Variants in MICU3 observed in about 807,000 individuals in gnomAD.
The protein encoded by MICU3 is calcium uptake protein 3, mitochondrial.
A neutral mutation model predicts 66.5 loss-of-function variants in MICU3; 62 were observed. The observed-to-expected ratio is 0.93, with a 90% CI of 0.76 to 1.15. The LOEUF (loss-of-function observed/expected upper bound fraction) is 1.15. Ranked by LOEUF, MICU3 falls within the 50% of genes most tolerant of loss-of-function variation. MICU3 has a pLI of 0.00. For missense variants in MICU3, 779 were observed against 664.4 expected, an observed-to-expected ratio of 1.17 and a Z score of -1.90; for synonymous variants, 308 against 240.7, an observed-to-expected ratio of 1.28 and a Z score of -2.59.
rs559806571 is a variant in MICU3 at position 17,029,051 on chromosome 8, A to C, written c.381+1391A>C. 2.8e-4 allele frequency among the ~76,000 whole-genome samples: 42 copies of C among 152,360 alleles called. No homozygotes were observed. The South Asian group carries it at 4.1e-3, about 15-fold the overall frequency. ...CTTGCTACTTGTGTCATTATGGAGA[A>C]ATTACTTGACCTGTCAATGCCTGTT... is the stretch of plus-strand genomic sequence containing the variant. On this transcript the variant is annotated intron_variant, in intron 1 of 14. Coordinates refer to ENST00000318063, the MANE Select transcript of MICU3 (RefSeq NM_181723.3).
Position 17,045,149 on chromosome 8 carries a change from G to C in MICU3, c.381+17489G>C, listed in dbSNP as rs557072907. Among the ~76,000 whole-genome samples the C allele has an allele frequency of 3.9e-5, 6 of 152,136 alleles. No individual in the cohort carries two copies. In the South Asian group the frequency reaches 1.2e-3, roughly 32 times the overall value. ...GAGAAAGAGGCTTTTAAACGAAAAT[G>C]CTCAAAAATAAATTATGGAATACTT... On this transcript the variant is annotated intron_variant, in intron 1 of 14. Transcript: ENST00000318063.
intron 10 of MICU3, 74 bp from the exon 11 acceptor site, chr8:17,105,339 T>G: frequency 6.2e-6 from 5 of 805,976 alleles, no homozygotes; most frequent in South Asian, 1.7e-5. Context: ...TCTAGGACAG[T>G]GAGTATTTGC....
At chr8:17,037,362 C>T (rs560497226) in intron 1 of MICU3, among the ~76,000 whole-genome samples, 3 of 152,322 alleles carry the variant, frequency 2.0e-5, no homozygotes, top group African/African-American at 7.2e-5. Context: ...TGAAGACTGC[C>T]AGCACGCTGT....
the MICU3 span, among the ~76,000 whole-genome samples, chr8:17,136,300 T>C: frequency 3.9e-5 from 6 of 152,214 alleles, no homozygotes; most frequent in Middle Eastern, 3.4e-3. Flanking sequence ...ACAGCAACAA[T>C]AAAAAAGTTA....
intron 1 of MICU3, among the ~76,000 whole-genome samples, chr8:17,037,208 C>G (rs1585171130): frequency 6.6e-6 from 1 of 152,348 alleles, no homozygotes; most frequent in East Asian, 1.9e-4. Flanking sequence ...CCCTCCATAC[C>G]TCCCTGCAAG....
At chr8:17,125,806 G>C (rs1292001876), downstream of MICU3, among the ~76,000 whole-genome samples, 1 of 152,028 alleles carries the variant, frequency 6.6e-6, no homozygotes, top group African/African-American at 2.4e-5. Context: ...GCTGAGGCGG[G>C]TGGATCACGA....
At chr8:17,124,731 C>G (rs1465960396), downstream of MICU3, among the ~76,000 whole-genome samples, 1 of 151,832 alleles carries the variant, frequency 6.6e-6, no homozygotes, top group Non-Finnish European at 1.5e-5. Flanking sequence ...TTGTACCCTC[C>G]TACTTTGGTA....
intron 1 of MICU3, among the ~76,000 whole-genome samples, chr8:17,058,964 C>T (rs1408842383): frequency 6.6e-6 from 1 of 152,146 alleles, no homozygotes; most frequent in Non-Finnish European, 1.5e-5. Flanking sequence ...TGTCCTAAAA[C>T]AGTTTTAGTT....
intron 1 of MICU3, among the ~76,000 whole-genome samples, chr8:17,030,058 CTT>C (rs1811746788): frequency 6.6e-6 from 1 of 152,094 alleles, no homozygotes; most frequent in Non-Finnish European, 1.5e-5. Context: ...CAAAGAGCGA[CTT>C]TGTGTTCTCT....
intron 3 of MICU3, among the ~76,000 whole-genome samples, chr8:17,072,618 A>G (rs1006914193): frequency 4.6e-5 from 7 of 152,084 alleles, no homozygotes; most frequent in Non-Finnish European, 1.0e-4. Flanking sequence ...GAAGAGGGTA[A>G]GTGTCTTGCA....
chr8:17,065,292 T>C (rs1426820263), intron 2 of MICU3, among the ~76,000 whole-genome samples: 1 of 152,174 alleles, frequency 6.6e-6, no homozygotes, highest in Non-Finnish European at 1.5e-5. Flanking sequence ...CTCAATAATT[T>C]GACAAATTGG....
chr8:17,095,112 A>G (rs1349871058), intron 8 of MICU3, among the ~76,000 whole-genome samples: 1 of 151,874 alleles, frequency 6.6e-6, no homozygotes, highest in Admixed American at 6.6e-5. Flanking sequence ...CTAGCTTCAT[A>G]TTTTTCAAAG....
In MICU3 at chr8:17,048,281, T is replaced by G. The variant is rs533577668; in HGVS notation, c.382-15803T>G. Among the ~76,000 whole-genome samples the G allele has an allele frequency of 5.3e-5, 8 of 152,316 alleles. No individual in the cohort carries two copies. The South Asian group carries it at 1.7e-3, about 32-fold the overall frequency. On this transcript the variant is annotated intron_variant, in intron 1 of 14. Coordinates refer to ENST00000318063, the MANE Select transcript of MICU3 (RefSeq NM_181723.3). ...GTACATAGCCCTCACAAGGACTACA[T>G]ATCCTAAATGTGTAGATCTACAAAT...
At chr8:17,071,039 T>G (rs758583107) in intron 3 of MICU3, among the ~76,000 whole-genome samples, 8 of 152,086 alleles carry the variant, frequency 5.3e-5, no homozygotes, top group Non-Finnish European at 1.2e-4. Flanking sequence ...AACTTAGGAA[T>G]TGTTTATTTT....
At chr8:17,034,507 G>A (rs911542858) in intron 1 of MICU3, among the ~76,000 whole-genome samples, 2 of 152,222 alleles carry the variant, frequency 1.3e-5, no homozygotes, top group African/African-American at 2.4e-5. Context: ...TGGGCAAAGT[G>A]AATTGAAAAC....
rs1325168926 is a variant in MICU3 at position 17,105,454 on chromosome 8, T to A, written c.1127T>A (p.Phe376Tyr). 3.2e-6 allele frequency: 5 copies of A among 1,571,850 alleles called. No homozygotes were observed. The highest frequency in any genetic ancestry group is 1.7e-4 in the Middle Eastern group (1 of 5,966). ...CAAACAGAAGTTCTAGAAATAGAATTCCTTTCCTACTCAAATGGAATGAAT... is the reference window on the plus strand; with the variant it reads ...CAAACAGAAGTTCTAGAAATAGAATACCTTTCCTACTCAAATGGAATGAAT... The part of the protein sequence containing the change: ...NLQTEVLEIE[F>Y]LSYSNGMNTI... The change falls in exon 11 of 15, where the codon TTC becomes TAC. Residue 376 changes from phenylalanine (F) to tyrosine (Y), a missense_variant. Phe to Tyr is a conservative substitution (Grantham distance 22, BLOSUM62 3). Transcript: ENST00000318063.
intron 1 of MICU3, among the ~76,000 whole-genome samples, chr8:17,042,282 A>G (rs1232845044): frequency 1.3e-5 from 2 of 152,336 alleles, no homozygotes; most frequent in Admixed American, 6.5e-5. Context: ...TTGATAGACA[A>G]GTTTTAACTG....
At chr8:17,135,851 A>G in the MICU3 span, among the ~76,000 whole-genome samples, 248 of 152,122 alleles carry the variant, frequency 1.6e-3, 6 homozygotes, top group East Asian at 0.043. Flanking sequence ...CGGTTATATC[A>G]TTTTTCCAAC....
chr8:17,028,315 T>C (rs1311909434), intron 1 of MICU3, among the ~76,000 whole-genome samples: 2 of 152,130 alleles, frequency 1.3e-5, no homozygotes, highest in African/African-American at 2.4e-5. Flanking sequence ...ATGGATAGGA[T>C]AGCAAATGTA....
Sources: gnomAD v4.1 joint callset for allele counts (sites outside exome capture counted in the v4.1 genomes callset) on GRCh38, gnomAD v4.1.1 for gene constraint, MANE v1.5 for transcripts, NCBI Gene and HGNC (gene_info 2026-07-23, HGNC 2026-07-21) for gene names.